The following IER3IP1 variants were observed in gnomAD, a reference collection of about 807,000 sequenced individuals.
IER3IP1 encodes immediate early response 3-interacting protein 1.
In IER3IP1, 16 loss-of-function variants were observed where a neutral mutation model predicts 12.2. That is an observed-to-expected ratio of 1.31 (90% confidence interval 0.89 to 1.99). The LOEUF is 1.99. Among genes scored for constraint, IER3IP1 ranks in the 30% most tolerant of loss-of-function variants. The probability of loss-of-function intolerance (pLI) is 0.00; values close to 1 mark genes in which losing one functional copy is unlikely to be tolerated. For synonymous variants in IER3IP1, 42 were observed against 40.0 expected (o/e 1.05, Z -0.19); for missense variants, 95 against 95.8 (o/e 0.99, Z 0.03).
intron 1 of IER3IP1, among the ~76,000 whole-genome samples, chr18:47,167,988 G>A (rs1353187770): frequency 2.6e-5 from 4 of 151,736 alleles, no homozygotes; most frequent in African/African-American, 7.3e-5. Flanking sequence ...GCCAGGCGTG[G>A]TGGCGGCAGC....
In IER3IP1 at chr18:47,171,027, C is replaced by CT. The variant is rs150697197; in HGVS notation, c.91+5159dup. 7.4e-3 allele frequency among the ~76,000 whole-genome samples: 1,124 copies of CT among 152,116 alleles called. 9 individuals are homozygous for CT. The highest frequency in any genetic ancestry group is 0.025 in the African/African-American group (1,034 of 41,510). On this transcript the variant is annotated intron_variant, in intron 1 of 2. Transcript: ENST00000256433. Reference sequence around the variant, plus strand: ...AACTAGGGAATTTTCATACATGCTCCTTATCAGATTAAGAAAGTTCCCTCC... The same window carrying CT: ...AACTAGGGAATTTTCATACATGCTCCTTTATCAGATTAAGAAAGTTCCCTCC...
At chr18:47,170,419 C>G (rs1036115792) in intron 1 of IER3IP1, among the ~76,000 whole-genome samples, 1 of 152,040 alleles carries the variant, frequency 6.6e-6, no homozygotes, top group South Asian at 2.1e-4. Flanking sequence ...ATCAACTCAT[C>G]AGTTTCTTCA....
intron 1 of IER3IP1, among the ~76,000 whole-genome samples, chr18:47,167,018 T>C (rs2063998082): frequency 6.6e-6 from 1 of 151,962 alleles, no homozygotes; most frequent in South Asian, 2.1e-4. Flanking sequence ...CGGCAAAGTA[T>C]TAATATTTCT....
intron 1 of IER3IP1, among the ~76,000 whole-genome samples, chr18:47,166,409 C>A (rs1453888700): frequency 6.6e-6 from 1 of 152,082 alleles, no homozygotes; most frequent in African/African-American, 2.4e-5. Flanking sequence ...AAGGGCAATG[C>A]CAGAGGTAGG....
intron 1 of IER3IP1, 127 bp from the exon 2 acceptor site, chr18:47,157,664 A>C (rs1052502967): frequency 1.0e-5 from 8 of 802,982 alleles, no homozygotes; most frequent in Non-Finnish European, 1.7e-5. Flanking sequence ...CTTTTAAGAA[A>C]AGTTAAAACA....
chr18:47,157,289 ACCCAGT>A, intron 2 of IER3IP1, 141 bp downstream of exon 2: 1 of 657,714 alleles, frequency 1.5e-6, no homozygotes, highest in African/African-American at 1.8e-5. Context: ...AAAAAAAAAA[ACCCAGT>A]AACTTTCAAG....
intron 2 of IER3IP1, among the ~76,000 whole-genome samples, chr18:47,156,501 C>G (rs1463641189): frequency 1.3e-5 from 2 of 152,088 alleles, no homozygotes; most frequent in Non-Finnish European, 2.9e-5. Flanking sequence ...CCCGGTGCAA[C>G]CCCAAGAACA....
chr18:47,170,663 T>G (rs1416481688), intron 1 of IER3IP1, among the ~76,000 whole-genome samples: 2 of 152,118 alleles, frequency 1.3e-5, no homozygotes, highest in Non-Finnish European at 2.9e-5. Flanking sequence ...TAAATAAAAT[T>G]ATTTCCTTTA....
chr18:47,165,295 G>A (rs569706851), intron 1 of IER3IP1, among the ~76,000 whole-genome samples: 2 of 152,298 alleles, frequency 1.3e-5, no homozygotes, highest in East Asian at 3.9e-4. Context: ...GCTCACGCCT[G>A]TAATCTCAGC....
chr18:47,160,362 A>G (rs1158150741), intron 1 of IER3IP1, among the ~76,000 whole-genome samples: 1 of 152,196 alleles, frequency 6.6e-6, no homozygotes, highest in African/African-American at 2.4e-5. Context: ...CCTACTATGC[A>G]CATAATTATT....
At chr18:47,164,738 T>A (rs767172587) in intron 1 of IER3IP1, among the ~76,000 whole-genome samples, 46 of 151,110 alleles carry the variant, frequency 3.0e-4, no homozygotes, top group Non-Finnish European at 5.2e-4. Flanking sequence ...GCTGTGATCA[T>A]GCTACTGCAC....
At position 47,155,362 on chromosome 18, in the gene IER3IP1, A is replaced by T. The variant is rs1272473451; in HGVS notation, c.*815T>A. 6.6e-6 allele frequency: 1 copy of T among 152,172 alleles called. No individual in the cohort carries two copies. Among genetic ancestry groups the T allele is most frequent in the Non-Finnish European group, 1.5e-5 (1 of 68,022 alleles). The allele number at this position is 152,172 out of a possible 1,614,324, so 9.4% of individuals were successfully genotyped here. A position where few individuals can be genotyped will look rare whatever the true frequency, so the allele number is the denominator to read the frequency against. On this transcript the variant is annotated 3_prime_UTR_variant, in exon 3 of 3. Transcript: ENST00000256433. ...GAAAGGTAAATGCTTCACAATAAAC[A>T]GTCTTCTTGGGTAGTACAGTGTAAT...
At chr18:47,175,521 T>C (rs1288037887) in intron 1 of IER3IP1, among the ~76,000 whole-genome samples, 1 of 152,154 alleles carries the variant, frequency 6.6e-6, no homozygotes, top group Non-Finnish European at 1.5e-5. Flanking sequence ...TGGAGTGCAA[T>C]GGCGCAATCT....
In IER3IP1 at chr18:47,176,313, C is replaced by G. The variant is rs755100536; in HGVS notation, c.-36G>C. 1.3e-6 allele frequency: 2 copies of G among 1,550,724 alleles called. No individual in the cohort carries two copies. The highest frequency in any genetic ancestry group is 1.2e-5 in the South Asian group (1 of 86,160). On this transcript the variant is annotated 5_prime_UTR_variant, in exon 1 of 3. Transcript: ENST00000256433. ...GGCCGCCCCGAAGTCCAAGCGATTT[C>G]TCTCCCGCCGCCGCAAGGGACGTGG...
intron 1 of IER3IP1, among the ~76,000 whole-genome samples, chr18:47,168,139 AAAAAAAAAAAAAAAAAT>A (rs1465590968): frequency 4.3e-5 from 6 of 140,944 alleles, no homozygotes; most frequent in Non-Finnish European, 6.1e-5. Context: ...AAAAAAAAAA[AAAAAAAAAAAAAAAAAT>A]TTTAGCTAGG....
At chr18:47,161,542 A>T (rs910572792) in intron 1 of IER3IP1, among the ~76,000 whole-genome samples, 3 of 152,074 alleles carry the variant, frequency 2.0e-5, no homozygotes, top group African/African-American at 7.2e-5. Context: ...CTCGATTCCC[A>T]TTGCCTACTG....
rs2064018826 is a variant in IER3IP1, at chr18:47,172,538, T to C, written c.91+3649A>G. On this transcript the variant is annotated intron_variant, in intron 1 of 2. Coordinates refer to ENST00000256433, the MANE Select transcript of IER3IP1 (RefSeq NM_016097.5). The surrounding 1 kb of genome is among the most constrained non-coding windows in gnomAD (Gnocchi z 4.0). Reference sequence around the variant, plus strand: ...ACAGAAGATAGTACCCAACCGTATATGTAGTGTATTTTTTTCAATCTGATA... The same window carrying C: ...ACAGAAGATAGTACCCAACCGTATACGTAGTGTATTTTTTTCAATCTGATA... Among the ~76,000 whole-genome samples, 2 of 152,088 alleles carry C rather than the reference T, an allele frequency of 1.3e-5. No homozygotes were observed. Among genetic ancestry groups the C allele is most frequent in the African/African-American group, 2.4e-5 (1 of 41,368 alleles).
chr18:47,161,995 C>A (rs2063981359), intron 1 of IER3IP1, among the ~76,000 whole-genome samples: 2 of 152,050 alleles, frequency 1.3e-5, no homozygotes, highest in South Asian at 4.2e-4. Context: ...AATCTAATGC[C>A]ATCACTGACC....
At chr18:47,157,084 G>A (rs913476364) in intron 2 of IER3IP1, 14 of 229,400 alleles carry the variant, frequency 6.1e-5, no homozygotes, top group East Asian at 1.2e-4. Context: ...AAACCAACAC[G>A]CCCAGCTTTC....
Sources: allele counts gnomAD v4.1 joint callset (sites outside exome capture counted in the v4.1 genomes callset), GRCh38; gene constraint gnomAD v4.1.1; non-coding constraint Gnocchi (gnomAD v3.1); transcripts MANE v1.5; gene names NCBI Gene and HGNC (gene_info 2026-07-23, HGNC 2026-07-21).